PLAAT1: variants seen among roughly 807,000 people sequenced by gnomAD.
PLAAT1 encodes phospholipase A and acyltransferase 1, also known as H-REV107 protein-related protein.
A neutral mutation model predicts 16.4 loss-of-function variants in PLAAT1; 13 were observed. That is an observed-to-expected ratio of 0.79 (90% CI 0.52 to 1.26). The LOEUF (loss-of-function observed/expected upper bound fraction) is 1.26. Ranked by LOEUF, PLAAT1 falls within the 50% of genes most tolerant of loss-of-function variation. The pLI, the probability that PLAAT1 is intolerant of heterozygous loss-of-function variation, is 0.00. For synonymous variants in PLAAT1, 73 were observed against 78.4 expected, an observed-to-expected ratio of 0.93 and a Z score of 0.36; for missense variants, 218 against 207.8, an observed-to-expected ratio of 1.05 and a Z score of -0.30.
intron 2 of PLAAT1, among the ~76,000 whole-genome samples, chr3:193,257,720 T>G (rs1419369480): frequency 1.3e-5 from 2 of 151,990 alleles, no homozygotes; most frequent in East Asian, 3.9e-4. Flanking sequence ...AACATTTGAG[T>G]CAGTGGGCTA....
intron 1 of PLAAT1, among the ~76,000 whole-genome samples, chr3:193,244,222 A>C (rs1024760034): frequency 6.6e-6 from 1 of 152,140 alleles, no homozygotes. Context: ...GGTGGCTATA[A>C]ATCTTCATTG....
chr3:193,278,770 G>A (rs1717343413), downstream of PLAAT1, among the ~76,000 whole-genome samples: 1 of 152,132 alleles, frequency 6.6e-6, no homozygotes, highest in South Asian at 2.1e-4. Context: ...ATAGCCTCAG[G>A]TAGCGTTCAA....
At chr3:193,262,831 G>A (rs900888459) in intron 2 of PLAAT1, 139 bp from the exon 3 acceptor site, 1 of 800,714 alleles carries the variant, frequency 1.2e-6, no homozygotes, top group Non-Finnish European at 2.0e-6. Context: ...AGGCTGATGA[G>A]ATTAAATGAC....
chr3:193,246,326 C>T (rs894523476), intron 1 of PLAAT1, among the ~76,000 whole-genome samples: 35 of 151,638 alleles, frequency 2.3e-4, no homozygotes, highest in South Asian at 8.4e-4. Context: ...TGCTTTTTGT[C>T]GTTCATTTTG....
chr3:193,260,701 T>TG (rs1716553590), intron 2 of PLAAT1, among the ~76,000 whole-genome samples: 1 of 149,898 alleles, frequency 6.7e-6, no homozygotes, highest in Admixed American at 6.6e-5. Flanking sequence ...AAAAAACAGA[T>TG]GCTGGTGATG....
downstream of PLAAT1, among the ~76,000 whole-genome samples, chr3:193,279,719 A>G (rs1428543182): frequency 1.3e-5 from 2 of 152,106 alleles, no homozygotes; most frequent in Non-Finnish European, 2.9e-5. Flanking sequence ...CTGGTGCACT[A>G]TCACTGCGTG....
intron 2 of PLAAT1, among the ~76,000 whole-genome samples, chr3:193,262,528 CCTA>C (rs2108797109): frequency 6.6e-6 from 1 of 152,082 alleles, no homozygotes; most frequent in African/African-American, 2.4e-5. Context: ...CTAGGATGAG[CCTA>C]CTAATAACAG....
chr3:193,267,836 A>G (rs1196195710), intron 3 of PLAAT1, among the ~76,000 whole-genome samples: 3 of 152,226 alleles, frequency 2.0e-5, no homozygotes, highest in African/African-American at 2.4e-5. Flanking sequence ...ACTCTCAGCA[A>G]TGAGAGTTCT....
At chr3:193,241,092 T>C, upstream of PLAAT1, 2 of 733,684 alleles carry the variant, frequency 2.7e-6, no homozygotes, top group Non-Finnish European at 1.8e-6. Flanking sequence ...GGCGGCTGCG[T>C]CGGGGCGCGA....
intron 3 of PLAAT1, among the ~76,000 whole-genome samples, chr3:193,265,115 T>A (rs903251961): frequency 6.6e-6 from 1 of 152,180 alleles, no homozygotes. Flanking sequence ...TAAAATTAAA[T>A]GTAGAATTAC....
At chr3:193,247,550 C>T (rs181870708) in intron 1 of PLAAT1, among the ~76,000 whole-genome samples, 13 of 152,284 alleles carry the variant, frequency 8.5e-5, no homozygotes, top group East Asian at 1.9e-4. Flanking sequence ...CAAGTGTCTG[C>T]GTGCCTAATT....
chr3:193,246,601 A>G (rs1413901786), intron 1 of PLAAT1, among the ~76,000 whole-genome samples: 1 of 152,194 alleles, frequency 6.6e-6, no homozygotes, highest in East Asian at 1.9e-4. Flanking sequence ...GGCTCAAGAT[A>G]TCCATCTGCC....
chr3:193,250,360 T>A (rs113868260), intron 1 of PLAAT1, among the ~76,000 whole-genome samples: 10 of 152,144 alleles, frequency 6.6e-5, no homozygotes, highest in African/African-American at 2.4e-4. Flanking sequence ...AGAGAAGCTT[T>A]GAGCAGAGTT....
At chr3:193,262,432 A>G (rs1405984476) in intron 2 of PLAAT1, among the ~76,000 whole-genome samples, 4 of 150,514 alleles carry the variant, frequency 2.7e-5, no homozygotes, top group Non-Finnish European at 4.4e-5. Context: ...GGACTGAGGT[A>G]CCATGCGGGT....
At chr3:193,274,770 C>A, downstream of PLAAT1, 1 of 485,056 alleles carries the variant, frequency 2.1e-6, no homozygotes, top group Non-Finnish European at 3.6e-6. Flanking sequence ...ATGACAGCTG[C>A]TCATTTTAAA....
intron 1 of PLAAT1, among the ~76,000 whole-genome samples, chr3:193,248,146 A>G (rs1225161815): frequency 6.6e-6 from 1 of 152,152 alleles, no homozygotes; most frequent in Non-Finnish European, 1.5e-5. Flanking sequence ...CCCCTTCATC[A>G]TTATATAATA....
chr3:193,243,947 T>TA (rs1181620037), intron 1 of PLAAT1, among the ~76,000 whole-genome samples: 1 of 152,238 alleles, frequency 6.6e-6, no homozygotes, highest in Non-Finnish European at 1.5e-5. Context: ...AAGAATGTTA[T>TA]AAAAATGGAA....
At chr3:193,240,961 T>A (rs1043083000), upstream of PLAAT1, among the ~76,000 whole-genome samples, 1 of 152,104 alleles carries the variant, frequency 6.6e-6, no homozygotes, top group Non-Finnish European at 1.5e-5. Context: ...CAGCGCCTGG[T>A]GCCCTAAACG....
intron 2 of PLAAT1, 61 bp from the exon 3 acceptor site, chr3:193,262,909 T>G: frequency 6.5e-7 from 1 of 1,540,524 alleles, no homozygotes; most frequent in South Asian, 1.2e-5. Flanking sequence ...AGTCTTTAGA[T>G]GGCAGTAGAG....
Sources: allele counts gnomAD v4.1 joint callset (sites outside exome capture counted in the v4.1 genomes callset), GRCh38; gene constraint gnomAD v4.1.1; transcripts MANE v1.5; gene names NCBI Gene and HGNC (gene_info 2026-07-23, HGNC 2026-07-21).